The following GPC6 variants were observed in gnomAD, a reference collection of about 807,000 sequenced individuals.
The protein encoded by GPC6 is glypican 6, also known as glypican-6.
In GPC6, 14 loss-of-function variants were observed where a neutral mutation model predicts 55.2. That is an observed-to-expected ratio of 0.25 (90% confidence interval 0.17 to 0.40). The LOEUF (loss-of-function observed/expected upper bound fraction) is 0.40, where lower values mean the gene tolerates loss of function less well. Among genes scored for constraint, GPC6 ranks in the 10% least tolerant of loss-of-function variants. GPC6 has a pLI of 1.00. For missense variants in GPC6, 641 were observed against 708.5 expected (o/e 0.90, Z 1.08); for synonymous variants, 278 against 259.6 (o/e 1.07, Z -0.68).
At position 93,963,876 on chromosome 13, in the gene GPC6, G is replaced by C. The variant is rs959080125; in HGVS notation, c.712-63853G>C. 3.9e-5 allele frequency among the ~76,000 whole-genome samples: 6 copies of C among 152,288 alleles called. No homozygotes were observed. In the East Asian group the frequency reaches 1.2e-3, roughly 29 times the overall value. Reference sequence around the variant, plus strand: ...CACTGACAAATGAAATCTGGCTCATGTTCAGCCCTTTGGTACCATTCTGGT... The same window carrying C: ...CACTGACAAATGAAATCTGGCTCATCTTCAGCCCTTTGGTACCATTCTGGT... On this transcript the variant is annotated intron_variant, in intron 3 of 8. Transcript: ENST00000377047.
chr13:93,405,616 A>C (rs1292984784), intron 1 of GPC6, among the ~76,000 whole-genome samples: 1 of 151,484 alleles, frequency 6.6e-6, no homozygotes, highest in Non-Finnish European at 1.5e-5. Flanking sequence ...GAATCTTACC[A>C]CTGAAATTTT....
chr13:93,264,100 G>A (rs7988954), intron 1 of GPC6, among the ~76,000 whole-genome samples: 9,228 of 152,032 alleles, frequency 0.061, 318 homozygotes, highest in Non-Finnish European at 0.075. Flanking sequence ...GTTTTTCAAG[G>A]GTCTGGGCTT....
chr13:93,455,191 A>T (rs1406053718), intron 1 of GPC6, among the ~76,000 whole-genome samples: 3 of 152,074 alleles, frequency 2.0e-5, no homozygotes, highest in Admixed American at 2.0e-4. Flanking sequence ...CTGCAATCTG[A>T]GGGAGCCGGC....
intron 3 of GPC6, chr13:94,025,381 G>T (rs1311103261): frequency 6.6e-6 from 1 of 150,896 alleles, no homozygotes; most frequent in African/African-American, 2.4e-5. Context: ...CATTAATATT[G>T]TCTGAGGAAT....
At chr13:94,221,149 T>G (rs767425515) in intron 4 of GPC6, among the ~76,000 whole-genome samples, 1 of 152,148 alleles carries the variant, frequency 6.6e-6, no homozygotes, top group South Asian at 2.1e-4. Context: ...TTTCTCTGTA[T>G]GACCCCCATG....
chr13:94,099,317 ATGT>A (rs1342695684), intron 4 of GPC6, among the ~76,000 whole-genome samples: 1 of 152,152 alleles, frequency 6.6e-6, no homozygotes, highest in Non-Finnish European at 1.5e-5. Flanking sequence ...AAGAGATATA[ATGT>A]TGTGTACATT....
chr13:93,620,675 A>T (rs1269947218), intron 2 of GPC6, among the ~76,000 whole-genome samples: 1 of 152,204 alleles, frequency 6.6e-6, no homozygotes, highest in African/African-American at 2.4e-5. Context: ...AATTCTAAAA[A>T]TATGGTAGAT....
At chr13:93,906,235 G>T (rs1876660079) in intron 3 of GPC6, among the ~76,000 whole-genome samples, 1 of 151,968 alleles carries the variant, frequency 6.6e-6, no homozygotes, top group Non-Finnish European at 1.5e-5. Flanking sequence ...CAATTACTCA[G>T]TTCACCTACT....
intron 1 of GPC6, among the ~76,000 whole-genome samples, chr13:93,333,785 A>C (rs1879943912): frequency 1.3e-5 from 2 of 151,982 alleles, no homozygotes; most frequent in South Asian, 2.1e-4. Flanking sequence ...TGATCTGCCC[A>C]CCTCAGCCGC....
At position 93,574,161 on chromosome 13, in the gene GPC6, T is replaced by C. The variant is rs74242153; in HGVS notation, c.319+28740T>C. ...CTGAATTGTGTCTCCCAAAAAGGTA[T>C]GTTAAAGTCCTAACCTGTAATACCT... On this transcript the variant is annotated intron_variant, in intron 2 of 8. Transcript: ENST00000377047. Among the ~76,000 whole-genome samples the C allele has an allele frequency of 1.2e-3, 183 of 152,318 alleles. 2 individuals are homozygous for C. The East Asian group carries it at 0.031, about 26-fold the overall frequency.
intron 1 of GPC6, among the ~76,000 whole-genome samples, chr13:93,398,409 A>T (rs916147851): frequency 5.3e-5 from 8 of 151,882 alleles, no homozygotes; most frequent in African/African-American, 1.7e-4. Flanking sequence ...TATGCTACAA[A>T]CTCCACTTGT....
At chr13:93,588,630 TG>T (rs1454727541) in intron 2 of GPC6, among the ~76,000 whole-genome samples, 1 of 152,154 alleles carries the variant, frequency 6.6e-6, no homozygotes, top group Non-Finnish European at 1.5e-5. Flanking sequence ...TTGGCTTCTG[TG>T]GAGACCTCAG....
intron 2 of GPC6, among the ~76,000 whole-genome samples, chr13:93,597,446 G>A (rs1410420968): frequency 1.3e-5 from 2 of 152,078 alleles, no homozygotes; most frequent in African/African-American, 4.8e-5. Context: ...AGAAGGTGAG[G>A]GAGCTGTCTG....
At chr13:93,557,580 C>A (rs1453726934) in intron 2 of GPC6, among the ~76,000 whole-genome samples, 1 of 152,160 alleles carries the variant, frequency 6.6e-6, no homozygotes. Flanking sequence ...CAGGCTTGTT[C>A]TCATTCTCTG....
intron 1 of GPC6, among the ~76,000 whole-genome samples, chr13:93,542,900 C>G (rs914048001): frequency 6.6e-6 from 1 of 152,134 alleles, no homozygotes; most frequent in East Asian, 1.9e-4. Flanking sequence ...GCTGAAGTTG[C>G]TTATCAGCTT....
At chr13:94,253,318 G>A (rs1891414157) in intron 4 of GPC6, among the ~76,000 whole-genome samples, 2 of 152,224 alleles carry the variant, frequency 1.3e-5, no homozygotes, top group African/African-American at 2.4e-5. Context: ...TATCTTCCTA[G>A]ATTGTACATT....
chr13:93,540,311 G>A (rs1360390007), intron 1 of GPC6, among the ~76,000 whole-genome samples: 1 of 152,036 alleles, frequency 6.6e-6, no homozygotes, highest in Admixed American at 6.6e-5. Context: ...TAAAGATAAT[G>A]TATTAAGTAC....
chr13:93,750,519 T>TTCAA (rs1349815983), intron 2 of GPC6, among the ~76,000 whole-genome samples: 1 of 152,186 alleles, frequency 6.6e-6, no homozygotes, highest in Admixed American at 6.5e-5. Context: ...TACTTCCTAT[T>TTCAA]TCAATCAGAT....
At chr13:94,388,546 G>A (rs1294842996) in intron 7 of GPC6, among the ~76,000 whole-genome samples, 2 of 152,200 alleles carry the variant, frequency 1.3e-5, no homozygotes, top group African/African-American at 4.8e-5. Context: ...TACATGGCAA[G>A]GATGAATACT....
Sources: gnomAD v4.1 joint callset for allele counts (sites outside exome capture counted in the v4.1 genomes callset) on GRCh38, gnomAD v4.1.1 for gene constraint, MANE v1.5 for transcripts, NCBI Gene and HGNC (gene_info 2026-07-23, HGNC 2026-07-21) for gene names.